The following PRH1 variants were observed in gnomAD, a reference collection of about 807,000 sequenced individuals.
PRH1 encodes the protein salivary acidic proline-rich phosphoprotein 1/2.
In PRH1, 7 loss-of-function variants were observed where a neutral mutation model predicts 7.9. That is an observed-to-expected ratio of 0.89 (90% CI 0.50 to 1.67). The LOEUF (loss-of-function observed/expected upper bound fraction) is 1.67, where lower values mean the gene tolerates loss of function less well. PRH1 is among the 40% of genes most tolerant of loss of function. The probability of loss-of-function intolerance (pLI) is 0.00; values close to 1 mark genes in which losing one functional copy is unlikely to be tolerated. For missense variants in PRH1, 109 were observed against 223.6 expected (o/e 0.49, Z 3.27); for synonymous variants, 45 against 80.8 (o/e 0.56, Z 2.38).
intron 2 of PRH1, among the ~76,000 whole-genome samples, chr12:10,892,813 C>T (rs897909393): frequency 2.0e-5 from 3 of 152,052 alleles, no homozygotes; most frequent in Admixed American, 6.6e-5. Flanking sequence ...TTTTCACCCA[C>T]AAATTATTTT....
intron 1 of PRH1, among the ~76,000 whole-genome samples, chr12:11,035,049 T>C (rs530506752): frequency 2.6e-5 from 4 of 152,128 alleles, no homozygotes; most frequent in South Asian, 2.1e-4. Context: ...AAAATCAGCT[T>C]GTCGTTTAGA....
chr12:10,906,288 C>A (rs1949801370), intron 2 of PRH1, among the ~76,000 whole-genome samples: 1 of 152,148 alleles, frequency 6.6e-6, no homozygotes, highest in South Asian at 2.1e-4. Flanking sequence ...TTTATTCCAA[C>A]TGTTCCATAA....
chr12:11,059,971 C>T (rs1943517370), intron 1 of PRH1, among the ~76,000 whole-genome samples: 1 of 151,940 alleles, frequency 6.6e-6, no homozygotes, highest in Non-Finnish European at 1.5e-5. Flanking sequence ...ATCTTGCTCT[C>T]TGATCTTACA....
chr12:11,005,047 T>C (rs1258236461), intron 1 of PRH1, among the ~76,000 whole-genome samples: 1 of 152,146 alleles, frequency 6.6e-6, no homozygotes, highest in Non-Finnish European at 1.5e-5. Context: ...TTAAATTCTA[T>C]GTGCACCTGA....
chr12:10,976,651 AAGAT>A (rs199924431), intron 1 of PRH1, among the ~76,000 whole-genome samples: 367 of 151,788 alleles, frequency 2.4e-3, no homozygotes, highest in East Asian at 3.5e-3. Context: ...TTTTTAAATT[AAGAT>A]AGATAGAACA....
intron 1 of PRH1, among the ~76,000 whole-genome samples, chr12:11,123,017 C>T (rs1322439356): frequency 6.6e-5 from 10 of 151,474 alleles, no homozygotes; most frequent in African/African-American, 1.5e-4. Flanking sequence ...TTGTACTTTA[C>T]GAACAAAGCA....
chr12:11,036,384 A>G (rs1046073442), intron 1 of PRH1, among the ~76,000 whole-genome samples: 2 of 152,176 alleles, frequency 1.3e-5, no homozygotes, highest in African/African-American at 4.8e-5. Context: ...CTATCCATGA[A>G]TATAGTTTTG....
At chr12:11,043,977 T>G (rs1284194089) in intron 1 of PRH1, among the ~76,000 whole-genome samples, 3 of 152,230 alleles carry the variant, frequency 2.0e-5, no homozygotes, top group Non-Finnish European at 4.4e-5. Flanking sequence ...TGACCCAGAA[T>G]AGCCAAAAGT....
Position 10,882,329 on chromosome 12 carries a change from T to C in PRH1, c.470A>G (p.Gln157Arg), listed in dbSNP as rs1949415254. The C allele has an allele frequency of 6.2e-7, 1 of 1,608,450 alleles. No individual in the cohort carries two copies. Among genetic ancestry groups the C allele is most frequent in the African/African-American group, 1.3e-5 (1 of 74,758 alleles). Residue 157 changes from glutamine to arginine, a missense_variant, in exon 3 of 4, where the codon CAA becomes CGA. Gln to Arg is a conservative substitution (Grantham distance 43). Coordinates refer to ENST00000543626, the MANE Select transcript of PRH1 (RefSeq NM_001393989.1). ...QGPPQQGGHQ[Q>R]GPPPPPPGKP... Reference sequence around the variant, plus strand: ...TCCAGGAGGAGGTGGGGGAGGACCTTGCTGATGGCCTCCCTGTTGGGGTGG... The same window carrying C: ...TCCAGGAGGAGGTGGGGGAGGACCTCGCTGATGGCCTCCCTGTTGGGGTGG...
chr12:10,967,732 G>A (rs1322097215), intron 2 of PRH1, among the ~76,000 whole-genome samples: 1 of 152,142 alleles, frequency 6.6e-6, no homozygotes, highest in East Asian at 1.9e-4. Context: ...ATCTCAAAAT[G>A]CCATTCCAAT....
chr12:11,134,101 G>C, intron 1 of PRH1: 2 of 1,614,140 alleles, frequency 1.2e-6, no homozygotes, highest in Non-Finnish European at 1.7e-6. Context: ...CCAGAGCAGT[G>C]AGAATTTGGT....
chr12:11,115,272 T>C (rs1565667372), intron 1 of PRH1, among the ~76,000 whole-genome samples: 1 of 151,954 alleles, frequency 6.6e-6, no homozygotes, highest in Non-Finnish European at 1.5e-5. Context: ...TTAGACAAAA[T>C]AGAGTTCAGG....
intron 1 of PRH1, among the ~76,000 whole-genome samples, chr12:11,014,815 G>C (rs984498585): frequency 1.3e-5 from 2 of 152,246 alleles, no homozygotes; most frequent in Admixed American, 1.3e-4. Flanking sequence ...CACCATCTGA[G>C]ACTTTTAGGT....
intron 1 of PRH1, chr12:10,997,335 T>C (rs750652675): frequency 6.8e-6 from 11 of 1,614,002 alleles, no homozygotes; most frequent in African/African-American, 6.7e-5. Context: ...TTTGCTAGCA[T>C]GGCTACAGTC....
At chr12:11,169,839 A>G (rs1409281552) in intron 1 of PRH1, among the ~76,000 whole-genome samples, 3 of 152,204 alleles carry the variant, frequency 2.0e-5, no homozygotes, top group Admixed American at 1.3e-4. Flanking sequence ...CTGGAGTGGT[A>G]CTGGAGCAGC....
chr12:11,004,252 T>C (rs1011193323), intron 1 of PRH1, among the ~76,000 whole-genome samples: 1 of 152,098 alleles, frequency 6.6e-6, no homozygotes, highest in African/African-American at 2.4e-5. Flanking sequence ...CCCAGCACTT[T>C]GGGAAGCCAA....
At chr12:11,151,726 G>A (rs1402904772) in intron 1 of PRH1, among the ~76,000 whole-genome samples, 2 of 152,134 alleles carry the variant, frequency 1.3e-5, no homozygotes. Context: ...TTGTTTAGGG[G>A]ATAAATTATA....
chr12:10,987,012 G>T, intron 1 of PRH1: 1 of 512,906 alleles, frequency 1.9e-6, no homozygotes, highest in South Asian at 4.8e-5. Flanking sequence ...TGTCAAACAA[G>T]AAAGTACCAG....
At chr12:10,903,931 C>CAAAAAAAAAA (rs546066515) in intron 2 of PRH1, among the ~76,000 whole-genome samples, 22 of 31,092 alleles carry the variant, frequency 7.1e-4, no homozygotes, top group East Asian at 3.0e-3. Context: ...ACAATAGCCT[C>CAAAAAAAAAA]AAAAAAAAAA....
Sources: gnomAD v4.1 joint callset for allele counts (sites outside exome capture counted in the v4.1 genomes callset) on GRCh38, gnomAD v4.1.1 for gene constraint, MANE v1.5 for transcripts, NCBI Gene and HGNC (gene_info 2026-07-23, HGNC 2026-07-21) for gene names.